Variants in CDH12 observed in about 807,000 individuals in gnomAD.
CDH12 encodes the protein cadherin 12.
A neutral mutation model predicts 74.1 loss-of-function variants in CDH12; 41 were observed. The observed-to-expected ratio is 0.55, with a 90% CI of 0.43 to 0.72. The LOEUF is 0.72. Ranked by LOEUF, CDH12 falls within the 30% of genes least tolerant of loss-of-function variation. CDH12 has a pLI of 0.00. For missense variants in CDH12, 945 were observed against 977.2 expected (o/e 0.97, Z 0.44); for synonymous variants, 399 against 355.0 (o/e 1.12, Z -1.39).
rs892725011 is a variant in CDH12, at chr5:22,828,457, A to G, written c.-523+24601T>C. Among the ~76,000 whole-genome samples the G allele has an allele frequency of 1.5e-4, 23 of 152,196 alleles. 1 individual carries two copies. Among genetic ancestry groups the G allele is most frequent in the Admixed American group, 1.4e-3 (21 of 15,266 alleles). On this transcript the variant is annotated intron_variant, in intron 1 of 14. Transcript: ENST00000382254. Reference sequence around the variant, plus strand: ...ATATTCTATTTAAATGCTAATCTACATATCCAAGTTAAAGGTTATATACAT... The same window carrying G: ...ATATTCTATTTAAATGCTAATCTACGTATCCAAGTTAAAGGTTATATACAT...
At chr5:22,336,526 G>A (rs1378223806) in intron 3 of CDH12, among the ~76,000 whole-genome samples, 2 of 152,192 alleles carry the variant, frequency 1.3e-5, no homozygotes, top group Non-Finnish European at 2.9e-5. Flanking sequence ...TAGGGACTTG[G>A]TGCCTGGCTT....
chr5:22,307,614 A>G (rs1335332350), intron 3 of CDH12, among the ~76,000 whole-genome samples: 1 of 152,136 alleles, frequency 6.6e-6, no homozygotes, highest in South Asian at 2.1e-4. Flanking sequence ...TTTGACATAA[A>G]TAATTCTAAT....
At chr5:21,920,516 C>T (rs532001712) in intron 6 of CDH12, among the ~76,000 whole-genome samples, 5 of 151,896 alleles carry the variant, frequency 3.3e-5, no homozygotes, top group South Asian at 2.1e-4. Flanking sequence ...CATCACACAC[C>T]GGGGCCTGTC....
intron 2 of CDH12, among the ~76,000 whole-genome samples, chr5:22,427,392 T>C (rs1233897451): frequency 1.3e-5 from 2 of 152,112 alleles, no homozygotes; most frequent in Non-Finnish European, 2.9e-5. Flanking sequence ...GGTCTTGATC[T>C]CTTGACCTTG....
intron 4 of CDH12, among the ~76,000 whole-genome samples, chr5:22,126,716 G>T (rs1745891040): frequency 1.3e-5 from 2 of 152,136 alleles, no homozygotes; most frequent in South Asian, 4.1e-4. Context: ...CAGTTGCAGA[G>T]TCTCTCATCT....
intron 3 of CDH12, among the ~76,000 whole-genome samples, chr5:22,272,243 C>T (rs1736431833): frequency 6.6e-6 from 1 of 152,194 alleles, no homozygotes; most frequent in African/African-American, 2.4e-5. Flanking sequence ...ATTCCTTAAA[C>T]CTCATGAACC....
At chr5:22,848,280 T>C (rs1191974323) in intron 1 of CDH12, among the ~76,000 whole-genome samples, 1 of 152,172 alleles carries the variant, frequency 6.6e-6, no homozygotes, top group Admixed American at 6.5e-5. Context: ...GAAAGCATTC[T>C]TTTTTTAACC....
At chr5:21,853,185 C>T (rs1466163411) in intron 7 of CDH12, among the ~76,000 whole-genome samples, 2 of 151,342 alleles carry the variant, frequency 1.3e-5, no homozygotes, top group Admixed American at 1.3e-4. Context: ...TAAACATTTT[C>T]TTATCTTTAC....
At chr5:22,605,526 T>C (rs1056937635) in intron 1 of CDH12, among the ~76,000 whole-genome samples, 1 of 152,144 alleles carries the variant, frequency 6.6e-6, no homozygotes. Context: ...CCCTTCCTCA[T>C]TCCCACCTCC....
intron 1 of CDH12, among the ~76,000 whole-genome samples, chr5:22,623,165 T>G (rs1166258878): frequency 6.6e-6 from 1 of 152,204 alleles, no homozygotes; most frequent in Non-Finnish European, 1.5e-5. Context: ...TGATGGGACG[T>G]ATCTCAAAAC....
intron 3 of CDH12, among the ~76,000 whole-genome samples, chr5:22,256,508 A>G (rs146261972): frequency 6.6e-6 from 1 of 152,302 alleles, no homozygotes; most frequent in Admixed American, 6.5e-5. Context: ...TATATTTACT[A>G]TACTATACTT....
chr5:22,134,122 A>C (rs1048678382), intron 4 of CDH12, among the ~76,000 whole-genome samples: 12 of 152,128 alleles, frequency 7.9e-5, no homozygotes, highest in Admixed American at 6.6e-5. Flanking sequence ...ATTTTCCACC[A>C]GTTTACCAAG....
intron 5 of CDH12, among the ~76,000 whole-genome samples, chr5:22,040,682 C>T (rs966342131): frequency 1.7e-4 from 26 of 152,044 alleles, no homozygotes; most frequent in East Asian, 3.9e-4. Flanking sequence ...TAAAAACATG[C>T]GTGTCAAGAA....
rs189040161 is a variant in CDH12 at position 22,011,958 on chromosome 5, C to T, written c.232-36573G>A. 1.2e-3 allele frequency among the ~76,000 whole-genome samples: 184 copies of T among 152,138 alleles called. 1 individual carries two copies. The highest frequency in any genetic ancestry group is 4.2e-3 in the African/African-American group (173 of 41,554). ...ATTTTTTATTTATTAAAAACTACTA[C>T]TAGAGTTTGTAATCCTGGCTGACTT... On this transcript the variant is annotated intron_variant, in intron 5 of 14. Coordinates refer to ENST00000382254, the MANE Select transcript of CDH12 (RefSeq NM_004061.5).
intron 3 of CDH12, among the ~76,000 whole-genome samples, chr5:22,353,438 TA>T (rs1289721962): frequency 6.6e-6 from 1 of 152,158 alleles, no homozygotes; most frequent in Non-Finnish European, 1.5e-5. Context: ...CACGATCTTA[TA>T]AAAATATATT....
At chr5:21,979,273 T>C (rs1214443867) in intron 5 of CDH12, among the ~76,000 whole-genome samples, 8 of 152,212 alleles carry the variant, frequency 5.3e-5, no homozygotes, top group African/African-American at 7.2e-5. Context: ...TCTTTTAGTA[T>C]TGACACTTAA....
rs578180456 is a variant in CDH12, at chr5:22,607,633, T to C, written c.-522-102269A>G. On this transcript the variant is annotated intron_variant, in intron 1 of 14. Transcript: ENST00000382254. ...GGCATTCTGGAAGATACAATTCAAG[T>C]TGAGATTTGGTGGGGACACAGCTAA... is the stretch of plus-strand genomic sequence containing the variant. Among the ~76,000 whole-genome samples the C allele has an allele frequency of 1.4e-4, 21 of 152,128 alleles. No homozygotes were observed. In the East Asian group the frequency reaches 3.9e-3, roughly 28 times the overall value.
intron 4 of CDH12, among the ~76,000 whole-genome samples, chr5:22,182,819 C>T (rs908521083): frequency 4.6e-5 from 7 of 151,558 alleles, no homozygotes; most frequent in African/African-American, 1.2e-4. Context: ...ATGATCAACA[C>T]TATAAGTTCT....
intron 1 of CDH12, among the ~76,000 whole-genome samples, chr5:22,629,363 A>T (rs1316351671): frequency 6.6e-6 from 1 of 152,122 alleles, no homozygotes; most frequent in African/African-American, 2.4e-5. Flanking sequence ...AAAAATTCTC[A>T]ACAAAATACT....
Sources: gnomAD v4.1 joint callset for allele counts (sites outside exome capture counted in the v4.1 genomes callset) on GRCh38, gnomAD v4.1.1 for gene constraint, MANE v1.5 for transcripts, NCBI Gene and HGNC (gene_info 2026-07-23, HGNC 2026-07-21) for gene names.